The following SGCZ variants were observed in gnomAD, a reference collection of about 807,000 sequenced individuals.
The protein encoded by SGCZ is zeta-sarcoglycan.
In SGCZ, 40 loss-of-function variants were observed where a neutral mutation model predicts 41.3. The ratio of observed to expected loss-of-function variants is 0.97; its 90% CI spans 0.75 to 1.26. The LOEUF (loss-of-function observed/expected upper bound fraction) is 1.26, where lower values mean the gene tolerates loss of function less well. SGCZ is among the 50% of genes most tolerant of loss of function. The pLI is 0.00. For synonymous variants in SGCZ, 206 were observed against 137.5 expected (o/e 1.50, Z -3.49); for missense variants, 552 against 369.8 (o/e 1.49, Z -4.04).
intron 2 of SGCZ, among the ~76,000 whole-genome samples, chr8:14,361,317 C>T (rs775593838): frequency 1.3e-5 from 2 of 152,190 alleles, no homozygotes; most frequent in African/African-American, 2.4e-5. Flanking sequence ...CTTTCAGGTA[C>T]AGCAATCAAA....
intron 2 of SGCZ, among the ~76,000 whole-genome samples, chr8:14,441,799 T>A (rs1038067420): frequency 6.6e-6 from 1 of 152,168 alleles, no homozygotes; most frequent in Non-Finnish European, 1.5e-5. Context: ...CTCCTTTAAC[T>A]TTTTTGTCAG....
chr8:14,748,628 A>G (rs1316557040), intron 1 of SGCZ, among the ~76,000 whole-genome samples: 1 of 152,228 alleles, frequency 6.6e-6, no homozygotes, highest in Non-Finnish European at 1.5e-5. Flanking sequence ...GATTTTTGGA[A>G]AAAGCTAAAA....
intron 1 of SGCZ, among the ~76,000 whole-genome samples, chr8:14,730,545 G>C (rs1287629361): frequency 3.4e-5 from 5 of 148,692 alleles, no homozygotes; most frequent in African/African-American, 1.3e-4. Flanking sequence ...AAGGGAATCA[G>C]AAACAACATA....
rs534023932 is a variant in SGCZ at position 14,845,430 on chromosome 8, A to G, written c.40-290504T>C. On this transcript the variant is annotated intron_variant, in intron 1 of 7. Coordinates refer to ENST00000382080, the MANE Select transcript of SGCZ (RefSeq NM_139167.4). ...CAGCACCCAAATAGTAAATTTCACA[A>G]TGCCTGAAAACTAATCCAATATTAT... Among the ~76,000 whole-genome samples the G allele has an allele frequency of 2.6e-5, 4 of 152,346 alleles. No individual in the cohort carries two copies. In the South Asian group the frequency reaches 6.2e-4, roughly 24 times the overall value.
chr8:14,262,715 T>G (rs1162428477), intron 3 of SGCZ, among the ~76,000 whole-genome samples: 1 of 151,498 alleles, frequency 6.6e-6, no homozygotes, highest in Non-Finnish European at 1.5e-5. Flanking sequence ...ACAAAAATCA[T>G]CTACCATCAT....
chr8:14,927,172 G>A (rs1405868633), intron 1 of SGCZ, among the ~76,000 whole-genome samples: 2 of 136,156 alleles, frequency 1.5e-5, no homozygotes, highest in African/African-American at 5.6e-5. Flanking sequence ...GCAATGGCGC[G>A]ATCTCGGCTC....
chr8:14,211,426 G>C (rs886675418), intron 4 of SGCZ, among the ~76,000 whole-genome samples: 1 of 152,134 alleles, frequency 6.6e-6, no homozygotes, highest in African/African-American at 2.4e-5. Flanking sequence ...GACCTCAGGC[G>C]AGACATCTTA....
At chr8:14,445,123 A>T (rs1800394445) in intron 2 of SGCZ, among the ~76,000 whole-genome samples, 1 of 152,188 alleles carries the variant, frequency 6.6e-6, no homozygotes, top group African/African-American at 2.4e-5. Context: ...ATCCAAAGGG[A>T]GAAATGTGAA....
At chr8:14,803,776 G>C (rs567790240) in intron 1 of SGCZ, among the ~76,000 whole-genome samples, 30 of 149,976 alleles carry the variant, frequency 2.0e-4, no homozygotes, top group African/African-American at 6.4e-4. Flanking sequence ...TCTGGGGGCA[G>C]GGCACAGACA....
Position 15,204,236 on chromosome 8 carries a change from C to T in SGCZ, c.39+33349G>A, listed in dbSNP as rs528182130. On this transcript the variant is annotated intron_variant, in intron 1 of 7. Transcript: ENST00000382080. ...TAATAATTATATAGAGTTGGAGCCA[C>T]CAAGTACAGTACACAATCAATACAT... Among the ~76,000 whole-genome samples the T allele has an allele frequency of 3.9e-5, 6 of 152,196 alleles. No homozygotes were observed. In the East Asian group the frequency reaches 7.7e-4, roughly 20 times the overall value.
intron 2 of SGCZ, among the ~76,000 whole-genome samples, chr8:14,473,718 A>T (rs1335610424): frequency 1.3e-5 from 2 of 152,102 alleles, no homozygotes; most frequent in Admixed American, 6.5e-5. Context: ...TGGGTGGATC[A>T]CGAGGTCAGG....
intron 4 of SGCZ, among the ~76,000 whole-genome samples, chr8:14,210,114 G>C (rs545490811): frequency 1.4e-4 from 22 of 152,202 alleles, no homozygotes; most frequent in African/African-American, 5.3e-4. Context: ...CTGGAACGCA[G>C]TTGTGTGATC....
intron 2 of SGCZ, among the ~76,000 whole-genome samples, chr8:14,330,195 T>TA (rs957807190): frequency 2.0e-5 from 3 of 152,198 alleles, no homozygotes; most frequent in African/African-American, 7.2e-5. Context: ...ACCTCTTCTT[T>TA]AAAAGTTTAT....
chr8:14,586,658 G>C (rs1317113053), intron 1 of SGCZ, among the ~76,000 whole-genome samples: 5 of 152,096 alleles, frequency 3.3e-5, no homozygotes, highest in African/African-American at 1.2e-4. Flanking sequence ...TCCATGGAAG[G>C]ACCTCAGGAT....
At chr8:14,854,600 T>A (rs947010059) in intron 1 of SGCZ, among the ~76,000 whole-genome samples, 1 of 152,200 alleles carries the variant, frequency 6.6e-6, no homozygotes, top group Non-Finnish European at 1.5e-5. Context: ...ATCGTAGATA[T>A]GATTATTGCA....
chr8:14,946,090 G>T (rs1272530430), intron 1 of SGCZ, among the ~76,000 whole-genome samples: 3 of 118,762 alleles, frequency 2.5e-5, no homozygotes, highest in African/African-American at 6.5e-5. Context: ...CTGTCCTATA[G>T]GGGCTATCTC....
At chr8:14,956,899 A>G (rs1800811436) in intron 1 of SGCZ, among the ~76,000 whole-genome samples, 2 of 152,182 alleles carry the variant, frequency 1.3e-5, no homozygotes, top group African/African-American at 4.8e-5. Flanking sequence ...TGGAACTGGC[A>G]GTCCTTTTTA....
chr8:14,448,938 C>G (rs1209266198), intron 2 of SGCZ, among the ~76,000 whole-genome samples: 1 of 152,130 alleles, frequency 6.6e-6, no homozygotes, highest in Non-Finnish European at 1.5e-5. Flanking sequence ...AATCTGGGTC[C>G]AAAGATTAAT....
chr8:14,647,728 T>C (rs1040851009), intron 1 of SGCZ, among the ~76,000 whole-genome samples: 1 of 151,980 alleles, frequency 6.6e-6, no homozygotes, highest in African/African-American at 2.4e-5. Flanking sequence ...TAAGTAAATA[T>C]GTATGTTAAT....
Sources: allele counts gnomAD v4.1 joint callset (sites outside exome capture counted in the v4.1 genomes callset), GRCh38; gene constraint gnomAD v4.1.1; transcripts MANE v1.5; gene names NCBI Gene and HGNC (gene_info 2026-07-23, HGNC 2026-07-21).